Variants in TMEM87B observed in about 807,000 individuals in gnomAD.
The protein encoded by TMEM87B is transmembrane protein 87B.
TMEM87B carries 83 observed loss-of-function variants against 80.3 expected under a neutral mutation model. The observed-to-expected ratio is 1.03, with a 90% CI of 0.87 to 1.24. The LOEUF (loss-of-function observed/expected upper bound fraction) is 1.24, where lower values mean the gene tolerates loss of function less well. TMEM87B is among the 50% of genes most tolerant of loss of function. The probability of loss-of-function intolerance (pLI) is 0.00; values close to 1 mark genes in which losing one functional copy is unlikely to be tolerated. For missense variants in TMEM87B, 625 were observed against 674.4 expected, an observed-to-expected ratio of 0.93 and a Z score of 0.81; for synonymous variants, 219 against 230.5, an observed-to-expected ratio of 0.95 and a Z score of 0.45.
At chr2:112,111,391 C>T (rs571602585) in intron 17 of TMEM87B, among the ~76,000 whole-genome samples, 6 of 152,268 alleles carry the variant, frequency 3.9e-5, no homozygotes, top group Admixed American at 3.9e-4. Flanking sequence ...GAGGAAGTCA[C>T]CATTCTCTAC....
In TMEM87B at chr2:112,097,246, T is replaced by G. The variant is rs1305568019; in HGVS notation, c.1227T>G (p.Phe409Leu). The G allele has an allele frequency of 1.2e-6, 2 of 1,610,150 alleles. No homozygotes were observed. The highest frequency in any genetic ancestry group is 1.7e-6 in the Non-Finnish European group (2 of 1,179,076). The change falls in exon 13 of 19, where the codon TTT becomes TTG. Residue 409 changes from phenylalanine to leucine, a missense_variant. Physicochemically the swap from Phe to Leu is conservative, Grantham distance 22 (BLOSUM62 0). Coordinates refer to ENST00000283206, the MANE Select transcript of TMEM87B (RefSeq NM_032824.3). The part of the protein sequence containing the change: ...LIFAVLASIV[F>L]MGWTTKTFRI... Reference sequence around the variant, plus strand: ...TGTGTGTTTCAGCTTCTATAGTGTTTATGGGGTGGACAACTAAGACATTTA... The same window carrying G: ...TGTGTGTTTCAGCTTCTATAGTGTTGATGGGGTGGACAACTAAGACATTTA...
Position 112,116,123 on chromosome 2 carries a change from T to C in TMEM87B, c.1648T>C (p.Ser550Pro), listed in dbSNP as rs1313266907. Residue 550 changes from serine to proline, a missense_variant, in exon 19 of 19, where the codon TCT becomes CCT. Transcript: ENST00000283206. ...TRSEMAEKMF[S>P]SEKIM Reference sequence around the variant, plus strand: ...ATCTGAAATGGCTGAAAAAATGTTCTCTTCAGAAAAGATAATGTGATTGGA... The same window carrying C: ...ATCTGAAATGGCTGAAAAAATGTTCCCTTCAGAAAAGATAATGTGATTGGA... 1 of 1,613,124 alleles carries C rather than the reference T, an allele frequency of 6.2e-7. No homozygotes were observed. The highest frequency in any genetic ancestry group is 8.5e-7 in the Non-Finnish European group (1 of 1,179,692).
chr2:112,072,689 A>G (rs77466436), intron 4 of TMEM87B, among the ~76,000 whole-genome samples: 2 of 151,620 alleles, frequency 1.3e-5, no homozygotes, highest in African/African-American at 2.4e-5. Context: ...CTAGCAGTCT[A>G]TCTGATTAAT....
At position 112,055,721 on chromosome 2, in the gene TMEM87B, C is replaced by A; in HGVS notation, c.130C>A (p.Pro44Thr). 2.0e-6 allele frequency: 3 copies of A among 1,533,126 alleles called. No homozygotes were observed. Among genetic ancestry groups the A allele is most frequent in the Non-Finnish European group, 1.7e-6 (2 of 1,147,176 alleles). 95.0% of individuals were successfully genotyped at this position (1,533,126 alleles called of 1,614,324 possible). A position where few individuals can be genotyped will look rare whatever the true frequency, so the allele number is the denominator to read the frequency against. The change falls in exon 1 of 19, where the codon CCT becomes ACT. Residue 44 changes from proline to threonine, a missense_variant. Pro to Thr is a conservative substitution (Grantham distance 38, BLOSUM62 -1). Coordinates refer to ENST00000283206, the MANE Select transcript of TMEM87B (RefSeq NM_032824.3). ...CWTPAAVRAV[P>T]ELGLWLETVN... ...GACCCCGGCGGCTGTGCGCGCGGTC[C>A]CTGAGCTCGGGCTCTGGTTAGAGAC... is the stretch of plus-strand genomic sequence containing the variant.
intron 3 of TMEM87B, among the ~76,000 whole-genome samples, chr2:112,065,043 T>A (rs896147339): frequency 2.0e-5 from 3 of 152,064 alleles, no homozygotes; most frequent in Admixed American, 1.3e-4. Flanking sequence ...ACTCCAGCCC[T>A]GAACTCCTGG....
At chr2:112,064,590 T>C (rs1301018411) in intron 3 of TMEM87B, among the ~76,000 whole-genome samples, 1 of 152,192 alleles carries the variant, frequency 6.6e-6, no homozygotes, top group Non-Finnish European at 1.5e-5. Context: ...TAGAACTGTA[T>C]TGAGTACAAG....
chr2:112,087,603 C>T (rs966794791), intron 9 of TMEM87B, among the ~76,000 whole-genome samples: 4 of 152,138 alleles, frequency 2.6e-5, no homozygotes, highest in African/African-American at 9.7e-5. Context: ...GGGAAACTGT[C>T]CTAGTGCTCG....
intron 8 of TMEM87B, among the ~76,000 whole-genome samples, chr2:112,082,675 TGC>T (rs1025420597): frequency 6.6e-6 from 1 of 151,608 alleles, no homozygotes; most frequent in Non-Finnish European, 1.5e-5. Flanking sequence ...TGTGTGTGTG[TGC>T]GTGTGCGTGT....
intron 1 of TMEM87B, among the ~76,000 whole-genome samples, chr2:112,057,448 AT>A (rs998632036): frequency 6.6e-6 from 1 of 152,086 alleles, no homozygotes; most frequent in Non-Finnish European, 1.5e-5. Context: ...TAATTTTTAA[AT>A]TTTTTTGTAG....
Position 112,077,264 on chromosome 2 carries a change from G to A in TMEM87B, c.574G>A (p.Ala192Thr). 6.3e-7 allele frequency: 1 copy of A among 1,584,218 alleles called. No homozygotes were observed. Among genetic ancestry groups the A allele is most frequent in the Non-Finnish European group, 8.6e-7 (1 of 1,163,462 alleles). Residue 192 changes from alanine (A) to threonine (T), a missense_variant, in exon 6 of 19, where the codon GCA becomes ACA. Transcript: ENST00000283206. ...IVSIKTENTDASWNLNVSLSM... is the reference protein window; with the variant it reads ...IVSIKTENTDTSWNLNVSLSM... ...TTCTATTAAAACGGAGAATACAGAT[G>A]CAAGCTGGAATTTGAATGGTATAGT...
At chr2:112,058,817 C>T (rs1032034326) in intron 1 of TMEM87B, among the ~76,000 whole-genome samples, 12 of 152,128 alleles carry the variant, frequency 7.9e-5, no homozygotes, top group South Asian at 2.1e-4. Context: ...AGAGGAAGAA[C>T]TAAATTTGAT....
intron 3 of TMEM87B, among the ~76,000 whole-genome samples, chr2:112,066,147 C>A (rs1678429676): frequency 6.6e-6 from 1 of 152,188 alleles, no homozygotes; most frequent in South Asian, 2.1e-4. Flanking sequence ...GTTTTAGCAT[C>A]CTTTCATGAT....
intron 8 of TMEM87B, among the ~76,000 whole-genome samples, chr2:112,082,679 T>TGTGC (rs1679033971): frequency 6.6e-6 from 1 of 152,050 alleles, no homozygotes; most frequent in Non-Finnish European, 1.5e-5. Context: ...TGTGTGTGCG[T>TGTGC]GTGCGTGTGC....
intron 9 of TMEM87B, 128 bp from the exon 10 acceptor site, chr2:112,089,497 C>G: frequency 1.3e-6 from 1 of 787,236 alleles, no homozygotes; most frequent in East Asian, 2.7e-5. Flanking sequence ...TACCTCAGAG[C>G]CGGGAACAGA....
intron 9 of TMEM87B, 89 bp downstream of exon 9, chr2:112,086,193 A>G (rs1558840464): frequency 9.7e-7 from 1 of 1,027,574 alleles, no homozygotes; most frequent in Non-Finnish European, 1.4e-6. Flanking sequence ...TGGAACTTCT[A>G]AGTATTGTAG....
At chr2:112,077,169 A>G in intron 5 of TMEM87B, 23 bp from the exon 6 acceptor site, 2 of 1,401,528 alleles carry the variant, frequency 1.4e-6, no homozygotes, top group South Asian at 1.3e-5. Flanking sequence ...AATAATGAAG[A>G]ATTTTTTTCA....
At position 112,055,682 on chromosome 2, in the gene TMEM87B, T is replaced by C. The variant is rs1320120358; in HGVS notation, c.91T>C (p.Cys31Arg). 1 of 1,582,000 alleles carries C rather than the reference T, an allele frequency of 6.3e-7. No individual in the cohort carries two copies. Among genetic ancestry groups the C allele is most frequent in the African/African-American group, 1.4e-5 (1 of 71,048 alleles). The change falls in exon 1 of 19, where the codon TGC (cysteine) becomes CGC (arginine). Residue 31 changes from cysteine to arginine, a missense_variant. By Grantham distance (180) the Cys-to-Arg change is radical. Coordinates refer to ENST00000283206, the MANE Select transcript of TMEM87B (RefSeq NM_032824.3). The stretch of plus-strand genomic sequence containing the variant: ...GGCCCCGCTGCTGCGCGTCGCCCTC[T>C]GCCTCCTGTGCTGGACCCCGGCGGC... ...ARAPLLRVAL[C>R]LLCWTPAAVR... is the part of the protein sequence containing the mutation.
rs377570446 is a variant in TMEM87B, at chr2:112,107,845, G to A, written c.1577+5G>A. On this transcript the variant is annotated splice_donor_5th_base_variant and intron_variant, in intron 17 of 18. Transcript: ENST00000283206. ...TCCCTCTTCATTCACAGATGTGTAA[G>A]TTATCTTCTGTTACAGTTTGATTGT... 31 of 1,568,814 alleles carry A rather than the reference G, an allele frequency of 2.0e-5. No homozygotes were observed. In the African/African-American group the frequency reaches 2.7e-4, roughly 14 times the overall value.
intron 3 of TMEM87B, 95 bp from the exon 4 acceptor site, chr2:112,066,841 T>C: frequency 1.8e-6 from 2 of 1,135,480 alleles, no homozygotes; most frequent in Non-Finnish European, 2.4e-6. Flanking sequence ...TCAAACTGAA[T>C]ATACTTTTGG....
Sources: allele counts gnomAD v4.1 joint callset (sites outside exome capture counted in the v4.1 genomes callset), GRCh38; gene constraint gnomAD v4.1.1; transcripts MANE v1.5; gene names NCBI Gene and HGNC (gene_info 2026-07-23, HGNC 2026-07-21).